The following LETM2 variants were observed in gnomAD, a reference collection of about 807,000 sequenced individuals.
LETM2 encodes leucine zipper and EF-hand containing transmembrane protein 2.
LETM2 carries 58 observed loss-of-function variants against 59.6 expected under a neutral mutation model. That is an observed-to-expected ratio of 0.97 (90% CI 0.79 to 1.21). The LOEUF (loss-of-function observed/expected upper bound fraction) is 1.21. LETM2 is among the 50% of genes most tolerant of loss of function. The pLI, the probability that LETM2 is intolerant of heterozygous loss-of-function variation, is 0.00. For missense variants in LETM2, 572 were observed against 575.7 expected, an observed-to-expected ratio of 0.99 and a Z score of 0.07; for synonymous variants, 199 against 214.1, an observed-to-expected ratio of 0.93 and a Z score of 0.62.
At chr8:38,408,107 G>T in intron 10 of LETM2, 105 bp from the exon 11 acceptor site, 3 of 763,164 alleles carry the variant, frequency 3.9e-6, no homozygotes, top group South Asian at 3.4e-5. Context: ...TCTCAGATTT[G>T]ACTTTGTGGT....
chr8:38,401,433 G>A (rs1225073109), intron 6 of LETM2: 2 of 224,412 alleles, frequency 8.9e-6, no homozygotes, highest in Non-Finnish European at 1.8e-5. Flanking sequence ...ACCATGCCTG[G>A]GTAGAAGTGC....
chr8:38,406,007 T>G (rs1467396307), intron 8 of LETM2, among the ~76,000 whole-genome samples: 2 of 152,218 alleles, frequency 1.3e-5, no homozygotes, highest in Admixed American at 6.5e-5. Context: ...CTGTGAAGAA[T>G]AGAGACATCA....
At chr8:38,384,752 G>A (rs897687297), upstream of LETM2, among the ~76,000 whole-genome samples, 4 of 152,138 alleles carry the variant, frequency 2.6e-5, no homozygotes, top group African/African-American at 9.7e-5. Flanking sequence ...ATATGGCCAT[G>A]GTAGAAAACC....
chr8:38,407,985 A>T, intron 10 of LETM2: 1 of 496,478 alleles, frequency 2.0e-6, no homozygotes, highest in Non-Finnish European at 3.6e-6. Flanking sequence ...CTGGCAGGAC[A>T]GAGAATCTAT....
chr8:38,406,108 A>G (rs1249245886), intron 8 of LETM2, among the ~76,000 whole-genome samples: 1 of 152,166 alleles, frequency 6.6e-6, no homozygotes, highest in African/African-American at 2.4e-5. Context: ...TTTCAAATCT[A>G]ATTCCTAAAG....
At chr8:38,404,132 CCA>C (rs1813484952) in intron 7 of LETM2, among the ~76,000 whole-genome samples, 3 of 152,304 alleles carry the variant, frequency 2.0e-5, no homozygotes, top group African/African-American at 7.2e-5. Flanking sequence ...CTACTTTGAT[CCA>C]CAGTTGGGTT....
At chr8:38,395,891 G>C (rs1423679652) in intron 4 of LETM2, among the ~76,000 whole-genome samples, 2 of 152,130 alleles carry the variant, frequency 1.3e-5, no homozygotes, top group Admixed American at 6.5e-5. Context: ...TTGGGTAAAA[G>C]TCCTTTATCA....
chr8:38,383,981 G>A (rs192725009), upstream of LETM2, among the ~76,000 whole-genome samples: 1 of 151,104 alleles, frequency 6.6e-6, no homozygotes, highest in Non-Finnish European at 1.5e-5. Context: ...ATTTTTAAAC[G>A]TATGCTTTAA....
At chr8:38,392,395 A>G (rs1310450344) in intron 2 of LETM2, 147 bp from the exon 3 acceptor site, 1 of 612,294 alleles carries the variant, frequency 1.6e-6, no homozygotes, top group African/African-American at 1.9e-5. Flanking sequence ...ACTGCACTCC[A>G]GCCTGGGCAA....
chr8:38,390,742 G>A (rs1363035766), intron 2 of LETM2, among the ~76,000 whole-genome samples: 1 of 149,394 alleles, frequency 6.7e-6, no homozygotes, highest in Non-Finnish European at 1.5e-5. Flanking sequence ...GAGTGCAGTG[G>A]CGCAATCTTG....
chr8:38,393,361 T>C, intron 3 of LETM2: 1 of 193,214 alleles, frequency 5.2e-6, no homozygotes, highest in Non-Finnish European at 1.1e-5. Flanking sequence ...AAACCCAATT[T>C]TGGCTGGGCA....
chr8:38,393,264 G>A (rs937955182), intron 3 of LETM2: 20 of 335,438 alleles, frequency 6.0e-5, no homozygotes, highest in South Asian at 1.1e-4. Flanking sequence ...TTGTAGAATA[G>A]TTATAATTGT....
At position 38,407,057 on chromosome 8, in the gene LETM2, A is replaced by G; in HGVS notation, c.1311+19A>G. 2 of 1,466,902 alleles carry G rather than the reference A, an allele frequency of 1.4e-6. No homozygotes were observed. Among genetic ancestry groups the G allele is most frequent in the South Asian group, 2.3e-5 (2 of 87,052 alleles). The allele number at this position is 1,466,902 out of a possible 1,614,324, so 90.9% of individuals were successfully genotyped here. On this transcript the variant is annotated intron_variant, in intron 9 of 10. Transcript: ENST00000379957. ...AACTAAGGTTAGACAGTTACTTTCCATTTGGTTAATTAGATTAAAAAATGA... is the reference window on the plus strand; with the variant it reads ...AACTAAGGTTAGACAGTTACTTTCCGTTTGGTTAATTAGATTAAAAAATGA...
At chr8:38,389,974 G>A (rs1037691312) in intron 2 of LETM2, among the ~76,000 whole-genome samples, 3 of 148,228 alleles carry the variant, frequency 2.0e-5, no homozygotes, top group Non-Finnish European at 3.0e-5. Context: ...ACTCCAGTCT[G>A]GGCAACAGAG....
chr8:38,402,582 A>G lies in LETM2; in HGVS notation c.1042A>G (p.Arg348Gly). ...LSVSELQAAC[R>G]ARGMRSLGLT... ...TGTATCAGAACTACAGGCTGCCTGTAGGGCCCGAGGGATGAGATCACTGGG... is the reference window on the plus strand; with the variant it reads ...TGTATCAGAACTACAGGCTGCCTGTGGGGCCCGAGGGATGAGATCACTGGG... The change falls in exon 7 of 11, where the codon AGG becomes GGG. Residue 348 changes from arginine to glycine, a missense_variant. Coordinates refer to ENST00000379957, the MANE Select transcript of LETM2 (RefSeq NM_001286819.2). 1 of 1,614,002 alleles carries G rather than the reference A, an allele frequency of 6.2e-7. No homozygotes were observed. The highest frequency in any genetic ancestry group is 8.5e-7 in the Non-Finnish European group (1 of 1,179,840).
intron 4 of LETM2, among the ~76,000 whole-genome samples, chr8:38,397,607 T>G (rs1000497460): frequency 2.0e-5 from 3 of 151,974 alleles, no homozygotes; most frequent in African/African-American, 7.3e-5. Context: ...TGGGGTCAGG[T>G]TGGAAGGCAT....
In LETM2 at chr8:38,392,684, A is replaced by G. The variant is rs766289460; in HGVS notation, c.190A>G (p.Asn64Asp). ...KKYSDPSQPG[N>D]TVLHPGTRLI... ...GTACTCGGATCCTAGTCAGCCAGGC[A>G]ATACAGTACTTCACCCAGGAACTAG... is the stretch of plus-strand genomic sequence containing the variant. The change falls in exon 3 of 11, where the codon AAT (asparagine) becomes GAT (aspartate). Residue 64 changes from asparagine to aspartate, a missense_variant. Physicochemically the swap from Asn to Asp is conservative, Grantham distance 23. Coordinates refer to ENST00000379957, the MANE Select transcript of LETM2 (RefSeq NM_001286819.2). 98 of 1,614,082 alleles carry G rather than the reference A, an allele frequency of 6.1e-5. No individual in the cohort carries two copies. The highest frequency in any genetic ancestry group is 8.2e-5 in the Non-Finnish European group (97 of 1,180,058).
intron 5 of LETM2, 43 bp from the exon 6 acceptor site, chr8:38,400,810 G>T (rs751655202): frequency 6.5e-6 from 10 of 1,547,394 alleles, no homozygotes; most frequent in Non-Finnish European, 8.9e-6. Flanking sequence ...GTTAAATTAA[G>T]TAGAAAACAC....
chr8:38,400,206 TCCCA>T, intron 4 of LETM2, 62 bp from the exon 5 acceptor site: 2 of 1,278,068 alleles, frequency 1.6e-6, no homozygotes, highest in Admixed American at 2.0e-5. Flanking sequence ...GTTATTTTTC[TCCCA>T]TCTTTATCTA....
Sources: gnomAD v4.1 joint callset for allele counts (sites outside exome capture counted in the v4.1 genomes callset) on GRCh38, gnomAD v4.1.1 for gene constraint, MANE v1.5 for transcripts, NCBI Gene and HGNC (gene_info 2026-07-23, HGNC 2026-07-21) for gene names.